Variants in RAPGEF4 observed in about 807,000 individuals in gnomAD.
RAPGEF4 encodes RAP guanine-nucleotide-exchange factor (GEF) 4.
Under a neutral mutation model 147.9 loss-of-function variants are expected in RAPGEF4, and 66 were observed. The observed-to-expected ratio is 0.45, with a 90% confidence interval of 0.37 to 0.55. The LOEUF (loss-of-function observed/expected upper bound fraction) is 0.55, where lower values mean the gene tolerates loss of function less well. Ranked by LOEUF, RAPGEF4 falls within the 20% of genes least tolerant of loss-of-function variation. The pLI, the probability that RAPGEF4 is intolerant of heterozygous loss-of-function variation, is 0.00. For missense variants in RAPGEF4, 1,071 were observed against 1,257.3 expected (o/e 0.85, Z 2.24); for synonymous variants, 419 against 442.7 (o/e 0.95, Z 0.67).
At chr2:173,017,556 A>G in intron 21 of RAPGEF4, 52 bp downstream of exon 21, 2 of 1,526,378 alleles carry the variant, frequency 1.3e-6, no homozygotes, top group Non-Finnish European at 1.8e-6. Context: ...TTTAGTCAGG[A>G]TAATGGTAAG....
chr2:173,008,921 T>C (rs185981656), intron 17 of RAPGEF4, among the ~76,000 whole-genome samples: 1 of 152,332 alleles, frequency 6.6e-6, no homozygotes, highest in Non-Finnish European at 1.5e-5. Context: ...TTAAGCCTGA[T>C]GTTGGCAGGG....
At chr2:172,913,047 C>G (rs1290108446) in intron 4 of RAPGEF4, among the ~76,000 whole-genome samples, 7 of 152,038 alleles carry the variant, frequency 4.6e-5, no homozygotes, top group East Asian at 1.9e-4. Context: ...AGGCGCCCAC[C>G]ACCATGCCTG....
At chr2:172,996,652 G>T in intron 16 of RAPGEF4, 98 bp downstream of exon 16, 1 of 812,974 alleles carries the variant, frequency 1.2e-6, no homozygotes, top group East Asian at 2.9e-5. Flanking sequence ...AAAGCAGTTT[G>T]GGAAGGGGAT....
intron 4 of RAPGEF4, among the ~76,000 whole-genome samples, chr2:172,851,499 G>A (rs765457142): frequency 5.9e-5 from 9 of 152,110 alleles, no homozygotes; most frequent in Non-Finnish European, 1.0e-4. Flanking sequence ...GCACATGTAT[G>A]TTCATCGCAG....
rs1210472788 is a variant in RAPGEF4 at position 173,033,874 on chromosome 2, A to G, written c.2650-40A>G. The G allele has an allele frequency of 6.9e-6, 11 of 1,588,594 alleles. No homozygotes were observed. In the Middle Eastern group the frequency reaches 1.2e-3, roughly 168 times the overall value. ...ACCCATGATACATATCTAGATATTG[A>G]ATCTGACATATGCGTGTGGCATTTT... On this transcript the variant is annotated intron_variant, in intron 26 of 30. Transcript: ENST00000397081.
intron 3 of RAPGEF4, among the ~76,000 whole-genome samples, chr2:172,797,895 T>C (rs966311894): frequency 2.0e-5 from 3 of 152,298 alleles, no homozygotes; most frequent in South Asian, 2.1e-4. Context: ...ATGCAAGCAA[T>C]TTCAGTGTGA....
At chr2:172,753,988 A>G (rs1376911090) in intron 1 of RAPGEF4, among the ~76,000 whole-genome samples, 3 of 152,196 alleles carry the variant, frequency 2.0e-5, no homozygotes, top group African/African-American at 7.2e-5. Flanking sequence ...TATCCTTCCC[A>G]GGAGGAAAGT....
At chr2:172,939,994 C>T (rs541117785) in intron 6 of RAPGEF4, among the ~76,000 whole-genome samples, 56 of 152,048 alleles carry the variant, frequency 3.7e-4, no homozygotes, top group African/African-American at 7.5e-4. Context: ...CATGTCTGTT[C>T]ATTCACCAAT....
At chr2:172,865,439 AAGG>A (rs1328812392) in intron 4 of RAPGEF4, among the ~76,000 whole-genome samples, 2 of 152,246 alleles carry the variant, frequency 1.3e-5, no homozygotes, top group Non-Finnish European at 1.5e-5. Context: ...TTGGAAGGCT[AAGG>A]AGGTCTTTAC....
intron 4 of RAPGEF4, among the ~76,000 whole-genome samples, chr2:172,846,255 C>T (rs1000497555): frequency 6.6e-6 from 1 of 151,990 alleles, no homozygotes; most frequent in Non-Finnish European, 1.5e-5. Flanking sequence ...CCTGTTCTAC[C>T]CTCAGTCCCA....
At chr2:172,938,932 G>A (rs936394706) in intron 6 of RAPGEF4, among the ~76,000 whole-genome samples, 17 of 152,088 alleles carry the variant, frequency 1.1e-4, no homozygotes, top group Admixed American at 7.2e-4. Context: ...GACATCATGC[G>A]GCATGTAGCC....
rs191033818 is a variant in RAPGEF4, at chr2:172,983,218, T to C, written c.1005-278T>C. Among the ~76,000 whole-genome samples the C allele has an allele frequency of 2.9e-3, 442 of 152,240 alleles. 2 individuals are homozygous for C. The highest frequency in any genetic ancestry group is 0.01 in the African/African-American group (430 of 41,542). On this transcript the variant is annotated intron_variant, in intron 10 of 30. Transcript: ENST00000397081. ...AATCATCTACAAAGTGAGAGATGAG[T>C]TGGCCAACTACCATGTGAGTGGAGA...
Position 173,042,832 on chromosome 2 carries a change from G to A in RAPGEF4, c.2854-5768G>A, listed in dbSNP as rs1339193254. Among the ~76,000 whole-genome samples, 5 of 152,140 alleles carry A rather than the reference G, an allele frequency of 3.3e-5. No individual in the cohort carries two copies. The highest frequency in any genetic ancestry group is 4.8e-5 in the African/African-American group (2 of 41,412). On this transcript the variant is annotated intron_variant, in intron 29 of 30. Transcript: ENST00000397081. This position sits in a 1 kb window ranked among gnomAD's most constrained non-coding sequence, Gnocchi z 4.2. The stretch of plus-strand genomic sequence containing the variant: ...ACATGCTCTACACGTGCCTGGAAAG[G>A]CACCTGAACTGTCTTCTCCCATGGT...
rs569710482 is a variant in RAPGEF4, at chr2:172,986,691, A to G, written c.1150+1198A>G. ...CAGATAATAACATGCCATTTTTTTC[A>G]TATTTTCTTTTTTTTTTTTTGAGAC... On this transcript the variant is annotated intron_variant, in intron 12 of 30. Coordinates refer to ENST00000397081, the MANE Select transcript of RAPGEF4 (RefSeq NM_007023.4). Among the ~76,000 whole-genome samples, 264 of 146,450 alleles carry G rather than the reference A, an allele frequency of 1.8e-3. No homozygotes were observed. The Middle Eastern group carries it at 0.019, about 11-fold the overall frequency.
chr2:172,776,659 T>C (rs1169550514), intron 1 of RAPGEF4, among the ~76,000 whole-genome samples: 1 of 152,156 alleles, frequency 6.6e-6, no homozygotes, highest in Non-Finnish European at 1.5e-5. Flanking sequence ...CTTCAGATAA[T>C]TTCTATTGCC....
intron 1 of RAPGEF4, among the ~76,000 whole-genome samples, chr2:172,764,217 C>T (rs1044053058): frequency 1.3e-4 from 19 of 150,758 alleles, no homozygotes; most frequent in African/African-American, 2.7e-4. Context: ...TCACGCACTG[C>T]GCTCCAGCCT....
intron 5 of RAPGEF4, among the ~76,000 whole-genome samples, chr2:172,918,892 G>A (rs954066630): frequency 6.6e-6 from 1 of 151,968 alleles, no homozygotes; most frequent in South Asian, 2.1e-4. Context: ...ACCCTCCCTC[G>A]CTGACCAGTC....
intron 4 of RAPGEF4, among the ~76,000 whole-genome samples, chr2:172,816,463 A>C (rs984102590): frequency 6.6e-6 from 1 of 152,226 alleles, no homozygotes; most frequent in Non-Finnish European, 1.5e-5. Flanking sequence ...TGATTAGATC[A>C]AGCCAAACAT....
At chr2:173,035,609 C>T (rs925677924) in intron 27 of RAPGEF4, among the ~76,000 whole-genome samples, 1 of 152,062 alleles carries the variant, frequency 6.6e-6, no homozygotes, top group Non-Finnish European at 1.5e-5. Flanking sequence ...GCCTTGGCCT[C>T]CAAAAGTGCT....
Sources: gnomAD v4.1 joint callset for allele counts (sites outside exome capture counted in the v4.1 genomes callset) on GRCh38, gnomAD v4.1.1 for gene constraint, Gnocchi (gnomAD v3.1) non-coding constraint, MANE v1.5 for transcripts, NCBI Gene and HGNC (gene_info 2026-07-23, HGNC 2026-07-21) for gene names.